The following CDH18 variants were observed in gnomAD, a reference collection of about 807,000 sequenced individuals.
CDH18 encodes cadherin 18.
CDH18 carries 31 observed loss-of-function variants against 67.9 expected under a neutral mutation model. The observed-to-expected ratio is 0.46, with a 90% CI of 0.34 to 0.62. The LOEUF is 0.62. CDH18 is among the 20% of genes least tolerant of loss of function. CDH18 has a pLI of 0.01. For missense variants in CDH18, 890 were observed against 975.5 expected (o/e 0.91, Z 1.17); for synonymous variants, 362 against 347.2 (o/e 1.04, Z -0.48).
intron 1 of CDH18, among the ~76,000 whole-genome samples, chr5:20,479,173 G>A (rs1450711532): frequency 6.6e-6 from 1 of 152,092 alleles, no homozygotes; most frequent in Non-Finnish European, 1.5e-5. Context: ...AGGCCACAAA[G>A]CCTAAAACAA....
chr5:20,143,703 G>T (rs1402080630), intron 2 of CDH18, among the ~76,000 whole-genome samples: 1 of 152,158 alleles, frequency 6.6e-6, no homozygotes, highest in Non-Finnish European at 1.5e-5. Context: ...TTGAAGGCAT[G>T]GTGTGGTTTC....
At chr5:20,034,793 T>C (rs1739701106) in intron 2 of CDH18, among the ~76,000 whole-genome samples, 1 of 152,020 alleles carries the variant, frequency 6.6e-6, no homozygotes, top group Non-Finnish European at 1.5e-5. Flanking sequence ...GATCTCTCTC[T>C]TTCTCTCTTT....
At chr5:19,765,572 G>A (rs185980021) in intron 3 of CDH18, among the ~76,000 whole-genome samples, 3 of 151,884 alleles carry the variant, frequency 2.0e-5, no homozygotes, top group East Asian at 1.9e-4. Flanking sequence ...TTATAAAGAG[G>A]GAGAAATTTA....
intron 2 of CDH18, among the ~76,000 whole-genome samples, chr5:19,969,608 G>A (rs370923143): frequency 7.3e-5 from 11 of 149,924 alleles, no homozygotes; most frequent in Middle Eastern, 3.5e-3. Context: ...AAAACCAAAC[G>A]CCGCATGTTC....
chr5:19,629,392 G>A (rs1254031078), intron 5 of CDH18, among the ~76,000 whole-genome samples: 1 of 152,078 alleles, frequency 6.6e-6, no homozygotes, highest in African/African-American at 2.4e-5. Context: ...GGTCTGGGCT[G>A]GTGAGTCAAG....
Position 19,856,824 on chromosome 5 carries a change from G to A in CDH18, c.-256-17582C>T, listed in dbSNP as rs577375592. ...CGAGAAAATAAATTTCTGTTGTTTC[G>A]GCCACCCACTCTTTGGTATTTGTTA... On this transcript the variant is annotated intron_variant, in intron 2 of 12. Transcript: ENST00000382275. Among the ~76,000 whole-genome samples the A allele has an allele frequency of 1.4e-4, 21 of 152,022 alleles. 1 individual carries two copies. In the South Asian group the frequency reaches 1.5e-3, roughly 11 times the overall value.
chr5:20,345,828 C>A (rs1281583342), intron 1 of CDH18, among the ~76,000 whole-genome samples: 1 of 152,036 alleles, frequency 6.6e-6, no homozygotes, highest in Admixed American at 6.6e-5. Context: ...CATTTCAGCC[C>A]CTCCATTAAT....
chr5:20,352,858 T>C (rs371490450), intron 1 of CDH18, among the ~76,000 whole-genome samples: 1 of 152,056 alleles, frequency 6.6e-6, no homozygotes, highest in Non-Finnish European at 1.5e-5. Flanking sequence ...ATGTGATTTA[T>C]ACTTTTTTAT....
rs756802815 is a variant in CDH18 at position 19,520,614 on chromosome 5, A to C, written c.1512+43T>G. 14 of 1,566,792 alleles carry C rather than the reference A, an allele frequency of 8.9e-6. No individual in the cohort carries two copies. In the South Asian group the frequency reaches 1.7e-4, roughly 18 times the overall value. The stretch of plus-strand genomic sequence containing the variant: ...GAATAATAAAAATAAAGGCGCTTGC[A>C]TTTATTCCATTCAAATGAGGAGGAA... On this transcript the variant is annotated intron_variant, in intron 10 of 12. Coordinates refer to ENST00000382275, the MANE Select transcript of CDH18 (RefSeq NM_004934.5).
At chr5:19,982,263 T>C (rs1799129435) in intron 1 of CDH18, among the ~76,000 whole-genome samples, 2 of 152,092 alleles carry the variant, frequency 1.3e-5, no homozygotes, top group Admixed American at 1.3e-4. Context: ...AAAAATTCAC[T>C]ACAACCAAAA....
intron 2 of CDH18, among the ~76,000 whole-genome samples, chr5:20,203,858 T>C (rs1382496098): frequency 6.6e-6 from 1 of 151,898 alleles, no homozygotes; most frequent in Non-Finnish European, 1.5e-5. Flanking sequence ...AAAACTCTAT[T>C]ATTACCAAAA....
At chr5:19,763,597 T>G (rs962219672) in intron 3 of CDH18, among the ~76,000 whole-genome samples, 1 of 152,196 alleles carries the variant, frequency 6.6e-6, no homozygotes, top group Non-Finnish European at 1.5e-5. Context: ...CATTTGTATA[T>G]GCAGCCTGAA....
intron 1 of CDH18, among the ~76,000 whole-genome samples, chr5:20,403,027 A>AG (rs2150131868): frequency 6.6e-6 from 1 of 151,482 alleles, no homozygotes; most frequent in South Asian, 2.1e-4. Flanking sequence ...ATACAAAAAA[A>AG]AAAAAAATAG....
intron 2 of CDH18, among the ~76,000 whole-genome samples, chr5:19,896,135 T>A (rs948292682): frequency 6.6e-6 from 1 of 152,044 alleles, no homozygotes; most frequent in African/African-American, 2.4e-5. Flanking sequence ...TGCGGGCAGA[T>A]CATCTGACGT....
At chr5:19,594,856 C>T (rs1221560576) in intron 6 of CDH18, among the ~76,000 whole-genome samples, 2 of 151,968 alleles carry the variant, frequency 1.3e-5, no homozygotes, top group Non-Finnish European at 2.9e-5. Flanking sequence ...AAGCTTAATG[C>T]TTTTCCAATA....
intron 1 of CDH18, among the ~76,000 whole-genome samples, chr5:20,450,776 G>T (rs1750385548): frequency 6.6e-6 from 1 of 152,110 alleles, no homozygotes; most frequent in Non-Finnish European, 1.5e-5. Context: ...CTGTTCTCAT[G>T]ATGCTAATAA....
At chr5:20,553,676 T>C (rs1459439336) in intron 1 of CDH18, among the ~76,000 whole-genome samples, 1 of 152,180 alleles carries the variant, frequency 6.6e-6, no homozygotes, top group Non-Finnish European at 1.5e-5. Context: ...TTGACTCTTG[T>C]AATTTTAGGG....
intron 1 of CDH18, among the ~76,000 whole-genome samples, chr5:20,554,759 G>A (rs1362047498): frequency 6.6e-6 from 1 of 152,174 alleles, no homozygotes; most frequent in Non-Finnish European, 1.5e-5. Flanking sequence ...GACTTCTGAG[G>A]TTAGGTCATA....
chr5:19,955,933 TA>T (rs1036675937), intron 2 of CDH18, among the ~76,000 whole-genome samples: 6 of 151,990 alleles, frequency 3.9e-5, no homozygotes, highest in African/African-American at 1.4e-4. Flanking sequence ...CATAAGGAAC[TA>T]AATTTACATG....
Sources: gnomAD v4.1 joint callset for allele counts (sites outside exome capture counted in the v4.1 genomes callset) on GRCh38, gnomAD v4.1.1 for gene constraint, MANE v1.5 for transcripts, NCBI Gene and HGNC (gene_info 2026-07-23, HGNC 2026-07-21) for gene names.